The following CYP3A4 variants were observed in gnomAD, a reference collection of about 807,000 sequenced individuals.
CYP3A4 encodes the protein cytochrome P450 family 3 subfamily A member 4.
In CYP3A4, 41 loss-of-function variants were observed where a neutral mutation model predicts 54.9. The observed-to-expected ratio is 0.75, with a 90% CI of 0.58 to 0.97. The LOEUF (loss-of-function observed/expected upper bound fraction) is 0.97. Ranked by LOEUF, CYP3A4 falls within the 50% of genes least tolerant of loss-of-function variation. The probability of loss-of-function intolerance (pLI) is 0.00; values close to 1 mark genes in which losing one functional copy is unlikely to be tolerated. For missense variants in CYP3A4, 510 were observed against 597.3 expected (o/e 0.85, Z 1.52); for synonymous variants, 179 against 205.2 (o/e 0.87, Z 1.09).
At chr7:99,762,305 T>C in intron 10 of CYP3A4, 38 bp from the exon 11 acceptor site, 1 of 1,604,520 alleles carries the variant, frequency 6.2e-7, no homozygotes, top group Non-Finnish European at 8.5e-7. Context: ...AATTGAGATT[T>C]TGAATTAACT....
chr7:99,778,963 TGAGAAACAA>T (rs1295516270), intron 2 of CYP3A4, among the ~76,000 whole-genome samples: 1 of 152,114 alleles, frequency 6.6e-6, no homozygotes, highest in East Asian at 1.9e-4. Context: ...AATTAGAATC[TGAGAAACAA>T]GCCTCAGGTA....
chr7:99,778,065 C>CA lies in CYP3A4; in HGVS notation c.180dup (p.Asp61Ter), dbSNP rs1478796051. ...CCATACTTTTTATGACATTCCATGTCAAACATACAAAAGCCCTGGGAGGAG... is the reference window on the plus strand; with the variant it reads ...CCATACTTTTTATGACATTCCATGTCAAAACATACAAAAGCCCTGGGAGGAG... On this transcript the variant is annotated frameshift_variant, in exon 3 of 13. Transcript: ENST00000651514. LOFTEE classifies it high-confidence loss of function. The CA allele has an allele frequency of 1.9e-6, 3 of 1,612,632 alleles. No homozygotes were observed. The highest frequency in any genetic ancestry group is 2.5e-6 in the Non-Finnish European group (3 of 1,178,942).
chr7:99,762,393 T>A, intron 10 of CYP3A4, 126 bp from the exon 11 acceptor site: 1 of 1,295,624 alleles, frequency 7.7e-7, no homozygotes, highest in South Asian at 1.4e-5. Flanking sequence ...GATCGAAGCA[T>A]TTATAAAGTG....
At position 99,763,850 on chromosome 7, in the gene CYP3A4, C is replaced by T. The variant is rs1258372443; in HGVS notation, c.1026+5G>A. On this transcript the variant is annotated splice_donor_5th_base_variant and intron_variant, in intron 10 of 12. Transcript: ENST00000651514. ...TCCCTCCTTCTCCATGTACCATCCACTCACCTTATTGGGTAAAACTGCATC... is the reference window on the plus strand; with the variant it reads ...TCCCTCCTTCTCCATGTACCATCCATTCACCTTATTGGGTAAAACTGCATC... 1 of 1,613,976 alleles carries T rather than the reference C, an allele frequency of 6.2e-7. No individual in the cohort carries two copies. The highest frequency in any genetic ancestry group is 8.5e-7 in the Non-Finnish European group (1 of 1,179,938).
intron 6 of CYP3A4, among the ~76,000 whole-genome samples, chr7:99,769,047 G>A (rs1342349316): frequency 6.6e-6 from 1 of 152,152 alleles, no homozygotes; most frequent in African/African-American, 2.4e-5. Context: ...GCTGTGGTGA[G>A]CTGAGGTTGC....
chr7:99,768,247 C>T, intron 7 of CYP3A4, 107 bp downstream of exon 7: 9 of 1,261,872 alleles, frequency 7.1e-6, no homozygotes, highest in South Asian at 1.4e-5. Context: ...CTACAAATCA[C>T]TGAACTGTAT....
chr7:99,783,937 A>G, intron 1 of CYP3A4, 74 bp downstream of exon 1: 1 of 1,496,156 alleles, frequency 6.7e-7, no homozygotes, highest in East Asian at 2.3e-5. Context: ...TTCAAAACAG[A>G]TAAGGGAAAG....
At chr7:99,783,606 CTTT>C (rs11432957) in intron 1 of CYP3A4, among the ~76,000 whole-genome samples, 71 of 103,836 alleles carry the variant, frequency 6.8e-4, no homozygotes, top group African/African-American at 2.2e-3. Flanking sequence ...CCTTGAACAT[CTTT>C]TTTTTTTTTT....
rs368465788 is a variant in CYP3A4 at position 99,763,996 on chromosome 7, G to A, written c.885C>T (p.Leu295=). The A allele has an allele frequency of 5.0e-5, 80 of 1,613,812 alleles. No homozygotes were observed. The highest frequency in any genetic ancestry group is 6.3e-5 in the Non-Finnish European group (74 of 1,179,898). Reference sequence around the variant, plus strand: ...AAATAAAGATAATTGATTGGGCCACGAGCTCCAGATCGGACAGAGCTGAAA... The same window carrying A: ...AAATAAAGATAATTGATTGGGCCACAAGCTCCAGATCGGACAGAGCTGAAA... ...ESHKALSDLE[L]VAQSIIFIFA... The change falls in exon 10 of 13, where the codon CTC becomes CTT. Residue 295 remains leucine (L), a synonymous_variant. Transcript: ENST00000651514.
rs527960082 is a variant in CYP3A4 at position 99,771,668 on chromosome 7, A to C, written c.318+922T>G. ...GAAGAGTTAAAACAAATCTGAAAAA[A>C]TAAGTCAATAAAAGTGGGAAGAATC... On this transcript the variant is annotated intron_variant, in intron 4 of 12. Transcript: ENST00000651514. 3.9e-5 allele frequency among the ~76,000 whole-genome samples: 6 copies of C among 152,334 alleles called. No homozygotes were observed. The South Asian group carries it at 1.2e-3, about 32-fold the overall frequency.
At chr7:99,781,234 C>A (rs935653217) in intron 1 of CYP3A4, among the ~76,000 whole-genome samples, 3 of 152,162 alleles carry the variant, frequency 2.0e-5, no homozygotes, top group African/African-American at 7.2e-5. Context: ...TTTCCTGAGA[C>A]CTCCCTAGAG....
At chr7:99,766,143 T>C (rs1410902353) in intron 9 of CYP3A4, among the ~76,000 whole-genome samples, 1 of 152,186 alleles carries the variant, frequency 6.6e-6, no homozygotes, top group Non-Finnish European at 1.5e-5. Flanking sequence ...GACCGCAGAC[T>C]GACTTTCTAG....
At chr7:99,764,130 G>A in intron 9 of CYP3A4, 115 bp from the exon 10 acceptor site, 2 of 1,470,756 alleles carry the variant, frequency 1.4e-6, no homozygotes, top group Admixed American at 1.8e-5. Context: ...GAATAGAAAA[G>A]CAATTCAGAG....
intron 6 of CYP3A4, 46 bp downstream of exon 6, chr7:99,769,719 TGGA>T (rs1173767427): frequency 6.2e-7 from 1 of 1,608,712 alleles, no homozygotes; most frequent in Admixed American, 1.7e-5. Context: ...GGCAGGCAGC[TGGA>T]GGGGTTCATG....
chr7:99,765,327 T>C (rs574227896), intron 9 of CYP3A4, among the ~76,000 whole-genome samples: 2 of 152,360 alleles, frequency 1.3e-5, no homozygotes, highest in South Asian at 4.1e-4. Context: ...TAGTGATTTC[T>C]ATATGAAACA....
intron 8 of CYP3A4, chr7:99,766,666 A>C: frequency 1.7e-6 from 1 of 580,122 alleles, no homozygotes; most frequent in South Asian, 2.2e-5. Context: ...GATGGCTCAA[A>C]TTTAACACAC....
chr7:99,778,872 CG>C (rs1815842807), intron 2 of CYP3A4, among the ~76,000 whole-genome samples: 1 of 152,068 alleles, frequency 6.6e-6, no homozygotes, highest in Non-Finnish European at 1.5e-5. Context: ...GAAAAGGTGG[CG>C]GGGAAATTAT....
intron 6 of CYP3A4, 35 bp downstream of exon 6, chr7:99,769,733 A>G: frequency 6.2e-7 from 1 of 1,611,646 alleles, no homozygotes; most frequent in African/African-American, 1.3e-5. Flanking sequence ...GGGGTTCATG[A>G]CAGCTCAGAA....
chr7:99,775,313 ACT>A (rs1815735853), intron 3 of CYP3A4, among the ~76,000 whole-genome samples: 1 of 152,156 alleles, frequency 6.6e-6, no homozygotes, highest in African/African-American at 2.4e-5. Flanking sequence ...GCTACCACTG[ACT>A]TTCCTCATAG....
Sources: allele counts gnomAD v4.1 joint callset (sites outside exome capture counted in the v4.1 genomes callset), GRCh38; gene constraint gnomAD v4.1.1; transcripts MANE v1.5; gene names NCBI Gene and HGNC (gene_info 2026-07-23, HGNC 2026-07-21).